XIRP2: variants seen among roughly 807,000 people sequenced by gnomAD.
XIRP2 encodes the protein xin actin binding repeat containing 2.
Under a neutral mutation model 277.0 loss-of-function variants are expected in XIRP2, and 236 were observed. The ratio of observed to expected loss-of-function variants is 0.85; its 90% CI spans 0.77 to 0.95. The LOEUF (loss-of-function observed/expected upper bound fraction) is 0.95, where lower values mean the gene tolerates loss of function less well. XIRP2 is among the 40% of genes least tolerant of loss of function. The pLI is 0.00. For synonymous variants in XIRP2, 1,490 were observed against 1,416.5 expected (o/e 1.05, Z -1.17); for missense variants, 4,640 against 4,157.5 (o/e 1.12, Z -3.19).
chr2:167,251,916 C>G lies in XIRP2; in HGVS notation c.10524C>G (p.Thr3508=). 6.4e-7 allele frequency: 1 copy of G among 1,574,604 alleles called. No individual in the cohort carries two copies. The highest frequency in any genetic ancestry group is 1.2e-5 in the South Asian group (1 of 82,264). The change falls in exon 9 of 11, where the codon ACC becomes ACG. Residue 3508 remains threonine (T), a synonymous_variant. Transcript: ENST00000409195. ...ATGCTTCTGCAACTGAGATGAGAAC[C>G]ACCTTCCAAGAGGAATCTGCATTTA... ...TADASATEMR[T]TFQEESAFIS...
chr2:167,161,414 G>A (rs1239323777), intron 3 of XIRP2, among the ~76,000 whole-genome samples: 1 of 152,186 alleles, frequency 6.6e-6, no homozygotes, highest in African/African-American at 2.4e-5. Context: ...TGGACATCCA[G>A]TTGTTTCCAT....
At chr2:167,104,997 T>C (rs1690579145) in intron 2 of XIRP2, among the ~76,000 whole-genome samples, 1 of 152,050 alleles carries the variant, frequency 6.6e-6, no homozygotes, top group Non-Finnish European at 1.5e-5. Context: ...TTTCAGCTAA[T>C]TTGATATATG....
intron 2 of XIRP2, among the ~76,000 whole-genome samples, chr2:167,069,876 C>G (rs1689396954): frequency 6.6e-6 from 1 of 152,114 alleles, no homozygotes; most frequent in South Asian, 2.1e-4. Context: ...TTTCACTCGG[C>G]TTTCTTAGTT....
At chr2:167,028,806 A>G (rs910087644) in intron 2 of XIRP2, among the ~76,000 whole-genome samples, 30 of 151,936 alleles carry the variant, frequency 2.0e-4, no homozygotes, top group African/African-American at 7.0e-4. Context: ...AGGACCCGCA[A>G]GAAAATTCAA....
chr2:166,921,684 A>G (rs1407869260), intron 2 of XIRP2, among the ~76,000 whole-genome samples: 1 of 152,044 alleles, frequency 6.6e-6, no homozygotes, highest in Non-Finnish European at 1.5e-5. Context: ...TCAGGAATGG[A>G]TGAATGGAAA....
intron 2 of XIRP2, among the ~76,000 whole-genome samples, chr2:167,092,142 T>C (rs112318732): frequency 0.031 from 4,788 of 152,236 alleles, 102 homozygotes; most frequent in East Asian, 0.051. Context: ...CCAAGTTACC[T>C]AGTCTGGATT....
At chr2:167,127,331 G>T (rs961901560) in intron 2 of XIRP2, among the ~76,000 whole-genome samples, 1 of 152,136 alleles carries the variant, frequency 6.6e-6, no homozygotes, top group African/African-American at 2.4e-5. Flanking sequence ...CCAGCAGATG[G>T]CAGTAACATG....
chr2:166,997,810 C>T (rs1189045101), intron 2 of XIRP2, among the ~76,000 whole-genome samples: 1 of 151,420 alleles, frequency 6.6e-6, no homozygotes, highest in Non-Finnish European at 1.5e-5. Flanking sequence ...GAGGCTGAAG[C>T]AGGAGAATCA....
intron 2 of XIRP2, among the ~76,000 whole-genome samples, chr2:167,066,779 CT>C (rs1689312383): frequency 6.6e-6 from 1 of 152,032 alleles, no homozygotes; most frequent in Non-Finnish European, 1.5e-5. Flanking sequence ...GGCATATACA[CT>C]TTATGGAATA....
chr2:167,159,767 T>C (rs758748308), intron 3 of XIRP2, among the ~76,000 whole-genome samples: 4 of 152,200 alleles, frequency 2.6e-5, no homozygotes, highest in Non-Finnish European at 4.4e-5. Context: ...TCAACATGCT[T>C]AGGACATAAC....
chr2:167,155,198 A>G (rs1192342434), intron 3 of XIRP2, among the ~76,000 whole-genome samples: 1 of 150,696 alleles, frequency 6.6e-6, no homozygotes, highest in African/African-American at 2.4e-5. Context: ...TCCTTCTGAA[A>G]CTATTCCAAT....
intron 2 of XIRP2, among the ~76,000 whole-genome samples, chr2:167,079,089 A>G (rs755448633): frequency 6.6e-6 from 1 of 152,146 alleles, no homozygotes; most frequent in Non-Finnish European, 1.5e-5. Context: ...ATTTTATTGA[A>G]TGCTTTTCCC....
intron 2 of XIRP2, among the ~76,000 whole-genome samples, chr2:166,986,075 G>A (rs184568309): frequency 2.0e-5 from 3 of 152,178 alleles, no homozygotes; most frequent in African/African-American, 4.8e-5. Context: ...TTGCAAGACC[G>A]CCTAGCTGCA....
intron 2 of XIRP2, among the ~76,000 whole-genome samples, chr2:166,967,221 T>C (rs1214129765): frequency 6.6e-6 from 1 of 151,836 alleles, no homozygotes; most frequent in South Asian, 2.1e-4. Context: ...TGAATCCCTA[T>C]AGCAAGTTTT....
At chr2:167,078,817 G>A (rs187874649) in intron 2 of XIRP2, among the ~76,000 whole-genome samples, 40 of 136,348 alleles carry the variant, frequency 2.9e-4, no homozygotes, top group Admixed American at 2.7e-3. Context: ...CAGCCTGAGC[G>A]ACACAGTGAG....
intron 2 of XIRP2, among the ~76,000 whole-genome samples, chr2:166,946,758 G>A (rs1685877862): frequency 6.6e-6 from 1 of 151,932 alleles, no homozygotes; most frequent in Non-Finnish European, 1.5e-5. Flanking sequence ...TAATTGAGAG[G>A]ATCAGTAAGA....
At chr2:167,070,173 C>T (rs1016934518) in intron 2 of XIRP2, among the ~76,000 whole-genome samples, 1 of 151,918 alleles carries the variant, frequency 6.6e-6, no homozygotes, top group African/African-American at 2.4e-5. Flanking sequence ...TAACTCTTAT[C>T]CATAGTCATG....
At chr2:167,171,605 C>T (rs1359775428) in intron 3 of XIRP2, among the ~76,000 whole-genome samples, 1 of 152,302 alleles carries the variant, frequency 6.6e-6, no homozygotes, top group South Asian at 2.1e-4. Context: ...AAGTTTTCTA[C>T]ATATTCACCG....
chr2:167,084,371 A>G (rs1338579465), intron 2 of XIRP2, among the ~76,000 whole-genome samples: 1 of 152,006 alleles, frequency 6.6e-6, no homozygotes. Context: ...TTTTGCATCA[A>G]TGTTCATCAA....
Sources: gnomAD v4.1 joint callset for allele counts (sites outside exome capture counted in the v4.1 genomes callset) on GRCh38, gnomAD v4.1.1 for gene constraint, MANE v1.5 for transcripts, NCBI Gene and HGNC (gene_info 2026-07-23, HGNC 2026-07-21) for gene names.